The following GRID2 variants were observed in gnomAD, a reference collection of about 807,000 sequenced individuals.
GRID2 encodes the protein glutamate ionotropic receptor delta type subunit 2.
Under a neutral mutation model 114.8 loss-of-function variants are expected in GRID2, and 33 were observed. The observed-to-expected ratio is 0.29, with a 90% CI of 0.22 to 0.38. The LOEUF is 0.38. Ranked by LOEUF, GRID2 falls within the 10% of genes least tolerant of loss-of-function variation. The pLI is 1.00. For missense variants in GRID2, 1,184 were observed against 1,257.7 expected (o/e 0.94, Z 0.89); for synonymous variants, 505 against 449.9 (o/e 1.12, Z -1.55).
At chr4:93,801,608 C>T (rs1734934010) in intron 1 of GRID2, among the ~76,000 whole-genome samples, 1 of 152,070 alleles carries the variant, frequency 6.6e-6, no homozygotes. Flanking sequence ...GTAAATAGCG[C>T]CTTCTAACAG....
At chr4:92,639,381 T>C (rs2149252116) in intron 2 of GRID2, among the ~76,000 whole-genome samples, 1 of 151,952 alleles carries the variant, frequency 6.6e-6, no homozygotes, top group Non-Finnish European at 1.5e-5. Context: ...TGAAGATTAA[T>C]TGACTTAGTT....
rs1734306577 is a variant in GRID2, at chr4:93,774,442, T to C, written c.*1944T>C. 6.6e-6 allele frequency: 1 copy of C among 152,166 alleles called. No homozygotes were observed. Among genetic ancestry groups the C allele is most frequent in the Admixed American group, 6.5e-5 (1 of 15,276 alleles). The allele number at this position is 152,166 out of a possible 1,614,324, so 9.4% of individuals were successfully genotyped here. A position where few individuals can be genotyped will look rare whatever the true frequency, so the allele number is the denominator to read the frequency against. ...AATATTTAAAATAGGCTTATTTTGATGTATCGCCTATTATACAAACACACA... is the reference window on the plus strand; with the variant it reads ...AATATTTAAAATAGGCTTATTTTGACGTATCGCCTATTATACAAACACACA... On this transcript the variant is annotated 3_prime_UTR_variant, in exon 16 of 16. Coordinates refer to ENST00000282020, the MANE Select transcript of GRID2 (RefSeq NM_001510.4).
At chr4:93,358,417 A>G (rs1296198146) in intron 8 of GRID2, among the ~76,000 whole-genome samples, 1 of 151,962 alleles carries the variant, frequency 6.6e-6, no homozygotes, top group Non-Finnish European at 1.5e-5. Context: ...TGTTAAACAA[A>G]TAAACAAATT....
At chr4:93,714,220 G>A (rs1475937283) in intron 14 of GRID2, among the ~76,000 whole-genome samples, 1 of 151,992 alleles carries the variant, frequency 6.6e-6, no homozygotes. Flanking sequence ...TTAGTTTGCT[G>A]AGGATAATGT....
intron 8 of GRID2, among the ~76,000 whole-genome samples, chr4:93,326,425 A>G (rs1325828277): frequency 6.6e-6 from 1 of 152,136 alleles, no homozygotes; most frequent in South Asian, 2.1e-4. Flanking sequence ...AGAGTGCTTC[A>G]TTTCTGCCTT....
At chr4:92,538,095 C>T (rs1725744420) in intron 1 of GRID2, among the ~76,000 whole-genome samples, 1 of 151,970 alleles carries the variant, frequency 6.6e-6, no homozygotes, top group Non-Finnish European at 1.5e-5. Flanking sequence ...TACTATAGAT[C>T]TGTTAGTGAT....
chr4:93,016,395 T>A (rs1722720783), intron 2 of GRID2, among the ~76,000 whole-genome samples: 1 of 152,170 alleles, frequency 6.6e-6, no homozygotes, highest in African/African-American at 2.4e-5. Flanking sequence ...AAGCGCTTTC[T>A]GTAAATTAAT....
chr4:92,703,620 TATATA>T (rs1734791175), intron 2 of GRID2, among the ~76,000 whole-genome samples: 2 of 10,950 alleles, frequency 1.8e-4, no homozygotes, highest in Middle Eastern at 0.042. Context: ...AAAAACATTA[TATATA>T]TATATATATA....
chr4:93,775,626 C>G (rs1021233397), downstream of GRID2, among the ~76,000 whole-genome samples: 3 of 152,210 alleles, frequency 2.0e-5, no homozygotes, highest in African/African-American at 7.2e-5. Context: ...TTAGACCAAC[C>G]TGGCTATTTC....
chr4:93,676,376 A>G (rs932714353), intron 14 of GRID2, among the ~76,000 whole-genome samples: 2 of 152,242 alleles, frequency 1.3e-5, no homozygotes, highest in African/African-American at 4.8e-5. Context: ...ATTCTAGATC[A>G]TCCTGCATAA....
At chr4:93,588,832 C>G (rs1737814388) in intron 13 of GRID2, among the ~76,000 whole-genome samples, 1 of 151,994 alleles carries the variant, frequency 6.6e-6, no homozygotes, top group Non-Finnish European at 1.5e-5. Flanking sequence ...TTTCTCTGAA[C>G]AAATCAGAAC....
At chr4:93,033,369 C>G (rs1277735208) in intron 2 of GRID2, among the ~76,000 whole-genome samples, 1 of 152,152 alleles carries the variant, frequency 6.6e-6, no homozygotes, top group East Asian at 1.9e-4. Flanking sequence ...AGGCAGACTC[C>G]AAGAAAATAC....
chr4:93,494,439 G>A (rs550497999), intron 12 of GRID2, among the ~76,000 whole-genome samples: 2 of 151,776 alleles, frequency 1.3e-5, no homozygotes, highest in Admixed American at 6.6e-5. Context: ...ACTTTGCTGG[G>A]AGCAATCTAA....
At chr4:92,311,380 T>A (rs1725701375) in intron 1 of GRID2, among the ~76,000 whole-genome samples, 1 of 152,034 alleles carries the variant, frequency 6.6e-6, no homozygotes, top group South Asian at 2.1e-4. Context: ...AAGCTGAGGC[T>A]GAGTTGACCC....
At chr4:92,654,682 A>G (rs542149091) in intron 2 of GRID2, among the ~76,000 whole-genome samples, 55 of 151,262 alleles carry the variant, frequency 3.6e-4, no homozygotes, top group African/African-American at 1.3e-3. Context: ...CATTTTTTTC[A>G]TATCTCTGTT....
chr4:92,798,428 G>A (rs1168831649), intron 2 of GRID2, among the ~76,000 whole-genome samples: 1 of 152,012 alleles, frequency 6.6e-6, no homozygotes, highest in East Asian at 1.9e-4. Context: ...AGTCAGTCAG[G>A]ATTTCCCCTT....
chr4:92,473,964 TTGTGTGTGTGTG>T (rs59328379), intron 1 of GRID2, among the ~76,000 whole-genome samples: 10 of 144,356 alleles, frequency 6.9e-5, no homozygotes, highest in African/African-American at 1.0e-4. Flanking sequence ...GTTATCTTGG[TTGTGTGTGTGTG>T]TGTGTGTGTG....
At chr4:93,693,430 T>A (rs1032165601) in intron 14 of GRID2, among the ~76,000 whole-genome samples, 2 of 152,224 alleles carry the variant, frequency 1.3e-5, no homozygotes, top group Non-Finnish European at 2.9e-5. Flanking sequence ...ACCTGAAAAC[T>A]AGATATCCCC....
chr4:93,618,538 T>C (rs1741919035), intron 13 of GRID2, among the ~76,000 whole-genome samples: 1 of 152,212 alleles, frequency 6.6e-6, no homozygotes, highest in South Asian at 2.1e-4. Flanking sequence ...TCCAGTCTTC[T>C]GGTCTGACCC....
Sources: allele counts gnomAD v4.1 joint callset (sites outside exome capture counted in the v4.1 genomes callset), GRCh38; gene constraint gnomAD v4.1.1; transcripts MANE v1.5; gene names NCBI Gene and HGNC (gene_info 2026-07-23, HGNC 2026-07-21).